DLGAP2: variants seen among roughly 807,000 people sequenced by gnomAD.
The protein encoded by DLGAP2 is disks large-associated protein 2.
DLGAP2 carries 26 observed loss-of-function variants against 100.3 expected under a neutral mutation model. The ratio of observed to expected loss-of-function variants is 0.26; its 90% confidence interval spans 0.19 to 0.36. DLGAP2 has a LOEUF of 0.36. Among genes scored for constraint, DLGAP2 ranks in the 10% least tolerant of loss-of-function variants. The pLI is 1.00. For synonymous variants in DLGAP2, 886 were observed against 630.1 expected, an observed-to-expected ratio of 1.41 and a Z score of -6.08; for missense variants, 1,858 against 1,453.2, an observed-to-expected ratio of 1.28 and a Z score of -4.53.
intron 2 of DLGAP2, among the ~76,000 whole-genome samples, chr8:1,120,927 C>T (rs1349021175): frequency 6.6e-6 from 1 of 151,682 alleles, no homozygotes; most frequent in Non-Finnish European, 1.5e-5. Flanking sequence ...CAGTTAGAAC[C>T]CATGACCTGC....
chr8:968,279 G>C (rs897364855), intron 2 of DLGAP2, among the ~76,000 whole-genome samples: 3 of 152,132 alleles, frequency 2.0e-5, no homozygotes, highest in Admixed American at 2.0e-4. Context: ...CCCAGCTGGT[G>C]CTTTGCTGAT....
intron 2 of DLGAP2, among the ~76,000 whole-genome samples, chr8:1,050,439 C>T (rs1802645266): frequency 1.3e-5 from 2 of 152,162 alleles, no homozygotes. Context: ...TGCGTGTGTT[C>T]TGTGCACATT....
chr8:1,504,700 T>A (rs901749259), intron 4 of DLGAP2, among the ~76,000 whole-genome samples: 1 of 152,228 alleles, frequency 6.6e-6, no homozygotes, highest in Non-Finnish European at 1.5e-5. Context: ...GGCTCATCTA[T>A]GTTGTTGCAA....
chr8:1,575,980 C>T (rs955070120), intron 6 of DLGAP2, among the ~76,000 whole-genome samples: 10 of 152,158 alleles, frequency 6.6e-5, no homozygotes, highest in African/African-American at 1.9e-4. Context: ...CCGGTATATA[C>T]CCAGTAATGG....
intron 1 of DLGAP2, among the ~76,000 whole-genome samples, chr8:876,565 C>T (rs779879336): frequency 2.0e-5 from 3 of 152,096 alleles, no homozygotes; most frequent in Non-Finnish European, 4.4e-5. Flanking sequence ...TTAAGATTTT[C>T]ACCTTTTCTT....
chr8:989,280 C>T (rs1315217710), intron 2 of DLGAP2, among the ~76,000 whole-genome samples: 2 of 152,200 alleles, frequency 1.3e-5, no homozygotes, highest in Non-Finnish European at 2.9e-5. Flanking sequence ...ACTTCACTCA[C>T]CCACATCCTA....
intron 1 of DLGAP2, among the ~76,000 whole-genome samples, chr8:844,137 G>A (rs1797031603): frequency 6.6e-6 from 1 of 152,216 alleles, no homozygotes; most frequent in African/African-American, 2.4e-5. Context: ...GTATTCGTCA[G>A]CTCTGCCATT....
chr8:1,558,815 A>G (rs1375348933), intron 5 of DLGAP2, among the ~76,000 whole-genome samples: 1 of 151,860 alleles, frequency 6.6e-6, no homozygotes, highest in Admixed American at 6.6e-5. Flanking sequence ...ATAAACACAC[A>G]TACGCACATG....
chr8:1,695,201 G>C (rs60441846), intron 13 of DLGAP2, among the ~76,000 whole-genome samples: 4 of 145,290 alleles, frequency 2.8e-5, no homozygotes, highest in Non-Finnish European at 4.5e-5. Flanking sequence ...AGGCACAGCC[G>C]TGCCCGGCCC....
chr8:1,412,663 C>G (rs1796766073), intron 3 of DLGAP2, among the ~76,000 whole-genome samples: 1 of 152,168 alleles, frequency 6.6e-6, no homozygotes, highest in South Asian at 2.1e-4. Flanking sequence ...AGATCACAGG[C>G]TCTTTGTGAA....
At chr8:1,007,032 A>G (rs1364222938) in intron 2 of DLGAP2, among the ~76,000 whole-genome samples, 1 of 151,664 alleles carries the variant, frequency 6.6e-6, no homozygotes, top group Non-Finnish European at 1.5e-5. Flanking sequence ...AAGTCTCGGG[A>G]TGTGGTCCTT....
At chr8:1,039,247 C>T (rs567426176) in intron 2 of DLGAP2, among the ~76,000 whole-genome samples, 3 of 146,208 alleles carry the variant, frequency 2.1e-5, no homozygotes, top group African/African-American at 5.1e-5. Flanking sequence ...GCTCGGTGTG[C>T]GTGGTCGTCT....
intron 3 of DLGAP2, among the ~76,000 whole-genome samples, chr8:1,313,840 C>T (rs761353226): frequency 2.6e-5 from 4 of 151,872 alleles, no homozygotes; most frequent in Admixed American, 2.0e-4. Context: ...CCTTGATAAC[C>T]ATCCCCCTCT....
intron 4 of DLGAP2, among the ~76,000 whole-genome samples, chr8:1,537,339 G>C (rs1026193477): frequency 6.6e-6 from 1 of 152,006 alleles, no homozygotes; most frequent in African/African-American, 2.4e-5. Context: ...TGTGTGTTGG[G>C]GTGGAGGTGA....
At chr8:859,176 A>T (rs1797342587) in intron 1 of DLGAP2, among the ~76,000 whole-genome samples, 1 of 150,958 alleles carries the variant, frequency 6.6e-6, no homozygotes, top group South Asian at 2.1e-4. Flanking sequence ...CAGTGGCGCA[A>T]TCTCAGCTCA....
chr8:949,755 C>G (rs1799429186), intron 2 of DLGAP2, among the ~76,000 whole-genome samples: 1 of 152,198 alleles, frequency 6.6e-6, no homozygotes, highest in African/African-American at 2.4e-5. Flanking sequence ...CAGGAACGGG[C>G]AGAGAGTAGA....
At chr8:1,504,451 A>G (rs1332953112) in intron 4 of DLGAP2, among the ~76,000 whole-genome samples, 1 of 152,160 alleles carries the variant, frequency 6.6e-6, no homozygotes, top group East Asian at 1.9e-4. Context: ...CAAGTAAACA[A>G]ACCATTTAAC....
At chr8:1,437,009 C>A (rs1180650246) in intron 3 of DLGAP2, among the ~76,000 whole-genome samples, 1 of 140,570 alleles carries the variant, frequency 7.1e-6, no homozygotes, top group Non-Finnish European at 1.5e-5. Context: ...CGTGTAGGGG[C>A]GACGCCATCC....
chr8:1,364,557 A>G (rs1802065319), intron 3 of DLGAP2, among the ~76,000 whole-genome samples: 1 of 151,348 alleles, frequency 6.6e-6, no homozygotes, highest in African/African-American at 2.4e-5. Flanking sequence ...GGCTGGCGGG[A>G]AGCGTCTCTC....
Sources: gnomAD v4.1 joint callset for allele counts (sites outside exome capture counted in the v4.1 genomes callset) on GRCh38, gnomAD v4.1.1 for gene constraint, MANE v1.5 for transcripts, NCBI Gene and HGNC (gene_info 2026-07-23, HGNC 2026-07-21) for gene names.